The following SPNS1 variants were observed in gnomAD, a reference collection of about 807,000 sequenced individuals.
SPNS1 encodes SPNS lysolipid transporter 1, lysophospholipid, also known as protein spinster homolog 1.
SPNS1 carries 22 observed loss-of-function variants against 50.3 expected under a neutral mutation model. The observed-to-expected ratio is 0.44, with a 90% confidence interval of 0.31 to 0.62. The LOEUF is 0.62. SPNS1 is among the 20% of genes least tolerant of loss of function. SPNS1 has a pLI of 0.07. For missense variants in SPNS1, 576 were observed against 728.6 expected, an observed-to-expected ratio of 0.79 and a Z score of 2.41; for synonymous variants, 295 against 317.4, an observed-to-expected ratio of 0.93 and a Z score of 0.75.
Position 28,982,017 on chromosome 16 carries a change from C to T in SPNS1, c.926C>T (p.Pro309Leu). The T allele has an allele frequency of 6.2e-7, 1 of 1,614,200 alleles. No individual in the cohort carries two copies. The highest frequency in any genetic ancestry group is 8.5e-7 in the Non-Finnish European group (1 of 1,180,032). ...LRSRVVLGETPPCLPGDSCSS... is the reference protein window; with the variant it reads ...LRSRVVLGETLPCLPGDSCSS... ...TCCCGCGTGGTCCTTGGGGAGACCC[C>T]ACCCTGCCTTCCCGGAGACTCCTGC... Residue 309 changes from proline (P) to leucine (L), a missense_variant, in exon 7 of 12, where the codon CCA becomes CTA. Pro to Leu is a moderately conservative substitution (Grantham distance 98). Coordinates refer to ENST00000311008, the MANE Select transcript of SPNS1 (RefSeq NM_032038.3).
Position 28,982,060 on chromosome 16 carries a change from C to G in SPNS1, c.965+4C>G, listed in dbSNP as rs1444905593. 2 of 1,613,582 alleles carry G rather than the reference C, an allele frequency of 1.2e-6. No individual in the cohort carries two copies. On this transcript the variant is annotated splice_donor_region_variant and intron_variant, in intron 7 of 11. Coordinates refer to ENST00000311008, the MANE Select transcript of SPNS1 (RefSeq NM_032038.3). ...ACTCCTGCTCTTCCTCTGACAGGTG[C>G]CCAGATGGGGCTATGCTGGGGGGCC...
Position 28,974,861 on chromosome 16 carries a change from C to T in SPNS1, c.-291C>T. ...CAGCAAGTGCAGCGGGCTCCTACCC[C>T]GGGTGAGGGGTGGCCTCCGCGTGGG... is the stretch of plus-strand genomic sequence containing the variant. On this transcript the variant is annotated 5_prime_UTR_variant, in exon 1 of 12. Transcript: ENST00000311008. The T allele has an allele frequency of 1.3e-6, 2 of 1,535,342 alleles. No homozygotes were observed. Among genetic ancestry groups the T allele is most frequent in the Non-Finnish European group, 1.7e-6 (2 of 1,146,436 alleles).
Position 28,979,513 on chromosome 16 carries a change from C to T in SPNS1, c.663+42C>T, listed in dbSNP as rs373340783. On this transcript the variant is annotated intron_variant, in intron 5 of 11. Coordinates refer to ENST00000311008, the MANE Select transcript of SPNS1 (RefSeq NM_032038.3). The stretch of plus-strand genomic sequence containing the variant: ...CCTGGGGGTAGGTCAGCGACGTTCT[C>T]ACTGATCCCTGTTTCCTACCTTTGG... 8.7e-6 allele frequency: 14 copies of T among 1,600,480 alleles called. No individual in the cohort carries two copies. In the African/African-American group the frequency reaches 1.2e-4, roughly 14 times the overall value.
intron 5 of SPNS1, chr16:28,979,732 T>C (rs1446733053): frequency 4.6e-6 from 2 of 431,950 alleles, no homozygotes; most frequent in Non-Finnish European, 8.6e-6. Flanking sequence ...AAAAACTTTT[T>C]CTTTTTGTAG....
Position 28,975,267 on chromosome 16 carries a change from C to G in SPNS1, c.116C>G (p.Pro39Arg). Reference sequence around the variant, plus strand: ...ACGGGGAACCCGAAGTCCGAGGAGCCCGAGGTCCCGGACCAGGAGGGGCTG... The same window carrying G: ...ACGGGGAACCCGAAGTCCGAGGAGCGCGAGGTCCCGGACCAGGAGGGGCTG... ...GSTGNPKSEE[P>R]EVPDQEGLQR... The change falls in exon 1 of 12, where the codon CCC becomes CGC. Residue 39 changes from proline (P) to arginine (R), a missense_variant. Physicochemically the swap from Pro to Arg is moderately radical, Grantham distance 103. This residue lies in a region of SPNS1 where 144 missense variants were observed against 181.2 expected (regional missense o/e 0.79). Transcript: ENST00000311008. 6.4e-7 allele frequency: 1 copy of G among 1,560,496 alleles called. No individual in the cohort carries two copies.
intron 2 of SPNS1, among the ~76,000 whole-genome samples, chr16:28,976,900 C>T (rs1344768819): frequency 6.6e-6 from 1 of 152,200 alleles, no homozygotes; most frequent in Non-Finnish European, 1.5e-5. Flanking sequence ...GAAAGAAACA[C>T]AGTCATGGCC....
Position 28,981,785 on chromosome 16 carries a change from C to T in SPNS1, c.810-116C>T. 2 of 1,503,050 alleles carry T rather than the reference C, an allele frequency of 1.3e-6. No individual in the cohort carries two copies. The highest frequency in any genetic ancestry group is 3.6e-5 in the Admixed American group (2 of 55,056). The allele number at this position is 1,503,050 out of a possible 1,614,324, so 93.1% of individuals were successfully genotyped here. A position where few individuals can be genotyped will look rare whatever the true frequency, so the allele number is the denominator to read the frequency against. ...CAGGCCCAGATCCTGGGAGCCAGAA[C>T]CACCTCTGCACGGTGTTGTGACCTT... On this transcript the variant is annotated intron_variant, in intron 6 of 11. Coordinates refer to ENST00000311008, the MANE Select transcript of SPNS1 (RefSeq NM_032038.3). The surrounding 1 kb of genome is among the most constrained non-coding windows in gnomAD (Gnocchi z 4.2).
chr16:28,982,236 G>T, intron 7 of SPNS1, 120 bp from the exon 8 acceptor site: 1 of 1,369,184 alleles, frequency 7.3e-7, no homozygotes. Flanking sequence ...ACTCAGGGCT[G>T]TGCCAACCAT....
rs965075187 is a variant in SPNS1, at chr16:28,976,350, G to A, written c.307+793G>A. Among the ~76,000 whole-genome samples the A allele has an allele frequency of 2.0e-5, 3 of 152,264 alleles. No individual in the cohort carries two copies. In the East Asian group the frequency reaches 5.8e-4, roughly 29 times the overall value. ...GTGTTTTACTTGTTCACAACTTTGG[G>A]ACTTGTGGGAGAGGCAAAGCTAGAG... On this transcript the variant is annotated intron_variant, in intron 2 of 11. Coordinates refer to ENST00000311008, the MANE Select transcript of SPNS1 (RefSeq NM_032038.3).
chr16:28,979,101 C>T, intron 3 of SPNS1, 54 bp from the exon 4 acceptor site: 1 of 1,583,096 alleles, frequency 6.3e-7, no homozygotes, highest in Non-Finnish European at 8.6e-7. Context: ...GGTGAGGTAG[C>T]CCGGAGGCTG....
chr16:28,983,875 T>TG lies in SPNS1; in HGVS notation c.1414dup (p.Ala472GlyfsTer15). 1 of 1,603,318 alleles carries TG rather than the reference T, an allele frequency of 6.2e-7. No individual in the cohort carries two copies. The highest frequency in any genetic ancestry group is 8.5e-7 in the Non-Finnish European group (1 of 1,179,498). The stretch of plus-strand genomic sequence containing the variant: ...TCTCGCTCATGCTCTGCGCGTTTGT[T>TG]GGGGCACTGGGCGGCGCAGCCTTCC... On this transcript the variant is annotated frameshift_variant, in exon 11 of 12. Transcript: ENST00000311008. LOFTEE classifies it high-confidence loss of function. This position sits in a 1 kb window ranked among gnomAD's most constrained non-coding sequence, Gnocchi z 5.4.
chr16:28,975,702 G>T (rs899741643), intron 2 of SPNS1, 145 bp downstream of exon 2: 30 of 819,528 alleles, frequency 3.7e-5, no homozygotes, highest in Non-Finnish European at 5.4e-5. Context: ...TTGCTCGGGG[G>T]TCAGCGGGAC....
rs1002679816 is a variant in SPNS1 at position 28,984,504 on chromosome 16, G to A, written c.*205G>A. 4.4e-6 allele frequency: 3 copies of A among 676,576 alleles called. No individual in the cohort carries two copies. Among genetic ancestry groups the A allele is most frequent in the African/African-American group, 3.6e-5 (2 of 56,114 alleles). 41.9% of individuals were successfully genotyped at this position (676,576 alleles called of 1,614,324 possible). Reference sequence around the variant, plus strand: ...CCTCTCCACAGGGGCAGCCCCAAGGGCTCGGTGCTATTTGTAACGGAATAA... The same window carrying A: ...CCTCTCCACAGGGGCAGCCCCAAGGACTCGGTGCTATTTGTAACGGAATAA... On this transcript the variant is annotated 3_prime_UTR_variant, in exon 12 of 12. Transcript: ENST00000311008.
intron 2 of SPNS1, among the ~76,000 whole-genome samples, 185 bp from the exon 3 acceptor site, chr16:28,977,723 G>A (rs1158654388): frequency 6.6e-6 from 1 of 152,170 alleles, no homozygotes; most frequent in African/African-American, 2.4e-5. Context: ...CTGGAAAGGT[G>A]TTCAAGATGG....
chr16:28,975,030 C>T lies in SPNS1; in HGVS notation c.-122C>T. 1 of 1,432,898 alleles carries T rather than the reference C, an allele frequency of 7.0e-7. No individual in the cohort carries two copies. Among genetic ancestry groups the T allele is most frequent in the Non-Finnish European group, 9.1e-7 (1 of 1,096,462 alleles). 88.8% of individuals were successfully genotyped at this position (1,432,898 alleles called of 1,614,324 possible). Reference sequence around the variant, plus strand: ...GTGCTCTGTGCTTCAGGGCAAGCTCCCCGTCTCCGGGCGCACTTCCCTCGC... The same window carrying T: ...GTGCTCTGTGCTTCAGGGCAAGCTCTCCGTCTCCGGGCGCACTTCCCTCGC... On this transcript the variant is annotated 5_prime_UTR_variant, in exon 1 of 12. Coordinates refer to ENST00000311008, the MANE Select transcript of SPNS1 (RefSeq NM_032038.3).
chr16:28,976,069 C>T (rs943814436), intron 2 of SPNS1, among the ~76,000 whole-genome samples: 1 of 152,062 alleles, frequency 6.6e-6, no homozygotes, highest in Non-Finnish European at 1.5e-5. Flanking sequence ...GTTAGGAGTT[C>T]AAGACCAGCC....
chr16:28,978,940 T>C (rs1336925468), intron 3 of SPNS1: 1 of 607,442 alleles, frequency 1.6e-6, no homozygotes, highest in Admixed American at 3.1e-5. Flanking sequence ...TATCCTCCTT[T>C]TGCAGATGAG....
At chr16:28,982,134 C>T in intron 7 of SPNS1, 78 bp downstream of exon 7, 1 of 1,540,554 alleles carries the variant, frequency 6.5e-7, no homozygotes, top group Non-Finnish European at 8.8e-7. Flanking sequence ...CAGACCCAGG[C>T]AGGGAGTTTG....
Position 28,981,620 on chromosome 16 carries a change from G to A in SPNS1, c.809+5G>A. ...TCTGAGGGCTCTGGCAAGAAAGTGAGTTTATTCCCACCCTAGACCACCATC... is the reference window on the plus strand; with the variant it reads ...TCTGAGGGCTCTGGCAAGAAAGTGAATTTATTCCCACCCTAGACCACCATC... On this transcript the variant is annotated splice_donor_5th_base_variant and intron_variant, in intron 6 of 11. Coordinates refer to ENST00000311008, the MANE Select transcript of SPNS1 (RefSeq NM_032038.3). This position sits in a 1 kb window ranked among gnomAD's most constrained non-coding sequence, Gnocchi z 4.2. 2 of 1,613,844 alleles carry A rather than the reference G, an allele frequency of 1.2e-6. No homozygotes were observed. Among genetic ancestry groups the A allele is most frequent in the Non-Finnish European group, 1.7e-6 (2 of 1,179,832 alleles).
Sources: gnomAD v4.1 joint callset for allele counts (sites outside exome capture counted in the v4.1 genomes callset) on GRCh38, gnomAD v4.1.1 for gene constraint, gnomAD v4.1.1 regional missense constraint, Gnocchi (gnomAD v3.1) non-coding constraint, MANE v1.5 for transcripts, NCBI Gene and HGNC (gene_info 2026-07-23, HGNC 2026-07-21) for gene names.